CLEC16A: variants seen among roughly 807,000 people sequenced by gnomAD.
The protein encoded by CLEC16A is C-type lectin domain containing 16A, also known as protein CLEC16A.
A neutral mutation model predicts 109.5 loss-of-function variants in CLEC16A; 51 were observed. That is an observed-to-expected ratio of 0.47 (90% CI 0.37 to 0.59). CLEC16A has a LOEUF of 0.59. Among genes scored for constraint, CLEC16A ranks in the 20% least tolerant of loss-of-function variants. The pLI is 0.00. For synonymous variants in CLEC16A, 673 were observed against 564.2 expected (o/e 1.19, Z -2.73); for missense variants, 1,339 against 1,394.0 (o/e 0.96, Z 0.63).
At chr16:10,951,386 G>A (rs1362811533) in intron 1 of CLEC16A, among the ~76,000 whole-genome samples, 1 of 152,036 alleles carries the variant, frequency 6.6e-6, no homozygotes, top group Admixed American at 6.5e-5. Context: ...TCTATTTGGT[G>A]TTTTTTTAAT....
intron 11 of CLEC16A, among the ~76,000 whole-genome samples, chr16:11,010,837 C>T (rs1439777571): frequency 1.3e-5 from 2 of 152,162 alleles, no homozygotes; most frequent in Admixed American, 6.5e-5. Context: ...TTCTCTTTTG[C>T]GACATTGACT....
chr16:10,956,593 C>T lies in CLEC16A; in HGVS notation c.81-1189C>T, dbSNP rs146961356. ...GCCCTGGAGAAGCCATCTTAAAAGC[C>T]GTGCCCGGTGGCACTCCCAGGGCAT... On this transcript the variant is annotated intron_variant, in intron 1 of 23. Coordinates refer to ENST00000409790, the MANE Select transcript of CLEC16A (RefSeq NM_015226.3). Among the ~76,000 whole-genome samples the T allele has an allele frequency of 2.9e-3, 444 of 152,292 alleles. 4 individuals carry two copies. Among genetic ancestry groups the T allele is most frequent in the African/African-American group, 0.01 (429 of 41,558 alleles).
At chr16:11,161,190 C>G (rs187539110) in intron 22 of CLEC16A, among the ~76,000 whole-genome samples, 55 of 152,292 alleles carry the variant, frequency 3.6e-4, no homozygotes, top group African/African-American at 1.3e-3. Context: ...AATCATCACA[C>G]TAAATACCTA....
chr16:10,970,425 T>C (rs1380352657), intron 4 of CLEC16A, among the ~76,000 whole-genome samples: 1 of 152,234 alleles, frequency 6.6e-6, no homozygotes, highest in Non-Finnish European at 1.5e-5. Flanking sequence ...TCTCATTTAA[T>C]CTGGAAACCA....
At chr16:11,062,264 T>G (rs1028514082) in intron 19 of CLEC16A, among the ~76,000 whole-genome samples, 3 of 152,112 alleles carry the variant, frequency 2.0e-5, no homozygotes, top group African/African-American at 7.2e-5. Context: ...ACAGGGCCAC[T>G]CTCTGTAGCA....
At chr16:11,061,102 C>T in intron 19 of CLEC16A, 80 bp downstream of exon 19, 1 of 1,435,444 alleles carries the variant, frequency 7.0e-7, no homozygotes, top group Non-Finnish European at 9.2e-7. Context: ...TCACACGCCA[C>T]TGGGAGGGTC....
At chr16:10,979,293 T>TGATCTC (rs778349712) in intron 8 of CLEC16A, 36 bp from the exon 9 acceptor site, 1 of 1,575,504 alleles carries the variant, frequency 6.3e-7, no homozygotes, top group South Asian at 1.1e-5. Flanking sequence ...TTGTGTGACC[T>TGATCTC]GATCTCTCTC....
At chr16:11,113,560 G>C (rs1214403780) in intron 19 of CLEC16A, among the ~76,000 whole-genome samples, 1 of 152,146 alleles carries the variant, frequency 6.6e-6, no homozygotes, top group African/African-American at 2.4e-5. Context: ...TTGGGAGCCT[G>C]AGGTGAGAGG....
intron 22 of CLEC16A, among the ~76,000 whole-genome samples, chr16:11,130,528 C>G (rs1211472221): frequency 6.6e-6 from 1 of 152,220 alleles, no homozygotes; most frequent in African/African-American, 2.4e-5. Context: ...TTTCACCACC[C>G]TCCTCCTACT....
At chr16:10,982,830 A>G (rs1414640745) in intron 9 of CLEC16A, 48 bp from the exon 10 acceptor site, 1 of 1,153,744 alleles carries the variant, frequency 8.7e-7, no homozygotes, top group African/African-American at 1.5e-5. Flanking sequence ...AAGAGGTTGA[A>G]AATACCGCAC....
At chr16:11,002,182 G>C (rs887459801) in intron 10 of CLEC16A, among the ~76,000 whole-genome samples, 2 of 152,152 alleles carry the variant, frequency 1.3e-5, no homozygotes, top group Non-Finnish European at 2.9e-5. Flanking sequence ...CCTGTAAAAT[G>C]AGGATGACAC....
rs144515455 is a variant in CLEC16A, at chr16:11,126,178, C to A, written c.2641+32C>A. 6.6e-4 allele frequency: 1,060 copies of A among 1,613,438 alleles called. 5 individuals are homozygous for A. The African/African-American group carries it at 0.012, about 18-fold the overall frequency. On this transcript the variant is annotated intron_variant, in intron 22 of 23. Transcript: ENST00000409790. ...CAGCCCCCCGCCCTGCGCCACAGCT[C>A]GTTCATCATGGTGGGCGTTCAAGGT...
chr16:10,962,495 A>G lies in CLEC16A; in HGVS notation c.250A>G (p.Ile84Val), dbSNP rs2042297063. The change falls in exon 3 of 24, where the codon ATC becomes GTC. Residue 84 changes from isoleucine to valine, a missense_variant. Ile to Val is a conservative substitution (Grantham distance 29). Around this residue, in one of 3 missense-constraint regions of CLEC16A, gnomAD observed 117 missense variants for 120.2 expected, o/e 0.97. Coordinates refer to ENST00000409790, the MANE Select transcript of CLEC16A (RefSeq NM_015226.3). ...EKNMFVFFLN[I>V]LRQKSGRYVC... ...GAATATGTTTGTTTTCTTCTTGAAC[A>G]TCTTGCGGCAAAAGTCGGGCCGTTA... 5 of 1,613,800 alleles carry G rather than the reference A, an allele frequency of 3.1e-6. No individual in the cohort carries two copies. The highest frequency in any genetic ancestry group is 1.1e-5 in the South Asian group (1 of 91,086).
At chr16:10,991,635 G>A (rs990385610) in intron 10 of CLEC16A, among the ~76,000 whole-genome samples, 12 of 152,120 alleles carry the variant, frequency 7.9e-5, no homozygotes, top group African/African-American at 2.7e-4. Context: ...GAACCTCTTC[G>A]TCTTTGTGTC....
intron 11 of CLEC16A, among the ~76,000 whole-genome samples, chr16:11,014,947 A>G (rs2152785825): frequency 6.6e-6 from 1 of 152,324 alleles, no homozygotes; most frequent in Middle Eastern, 3.4e-3. Context: ...CCTCTTCTAA[A>G]GATGATACTC....
At chr16:10,949,811 C>G (rs1029150393) in intron 1 of CLEC16A, among the ~76,000 whole-genome samples, 3 of 152,140 alleles carry the variant, frequency 2.0e-5, no homozygotes, top group Non-Finnish European at 2.9e-5. Context: ...GCTCTGCTGC[C>G]GTCCCCTGGT....
chr16:11,016,821 T>C (rs1485381546), intron 11 of CLEC16A, among the ~76,000 whole-genome samples: 1 of 152,184 alleles, frequency 6.6e-6, no homozygotes, highest in South Asian at 2.1e-4. Flanking sequence ...TACAAAACTA[T>C]GCAAACAAAG....
chr16:11,155,115 G>A (rs2054456809), intron 22 of CLEC16A, among the ~76,000 whole-genome samples: 1 of 152,136 alleles, frequency 6.6e-6, no homozygotes, highest in African/African-American at 2.4e-5. Context: ...GACAGAGTGA[G>A]ACCCTGTCTC....
At chr16:11,161,510 C>T (rs546365974) in intron 22 of CLEC16A, among the ~76,000 whole-genome samples, 30 of 152,204 alleles carry the variant, frequency 2.0e-4, no homozygotes, top group Admixed American at 9.8e-4. Context: ...GGAGGCAGAT[C>T]GCCATATTTC....
Sources: allele counts gnomAD v4.1 joint callset (sites outside exome capture counted in the v4.1 genomes callset), GRCh38; gene constraint gnomAD v4.1.1; regional missense constraint gnomAD v4.1.1; transcripts MANE v1.5; gene names NCBI Gene and HGNC (gene_info 2026-07-23, HGNC 2026-07-21).